Variants in MAP4 observed in about 807,000 individuals in gnomAD.
MAP4 encodes microtubule-associated protein 4.
In MAP4, 76 loss-of-function variants were observed where a neutral mutation model predicts 170.2. The ratio of observed to expected loss-of-function variants is 0.45; its 90% CI spans 0.37 to 0.54. The LOEUF (loss-of-function observed/expected upper bound fraction) is 0.54, where lower values mean the gene tolerates loss of function less well. Ranked by LOEUF, MAP4 falls within the 20% of genes least tolerant of loss-of-function variation. MAP4 has a pLI of 0.00. For synonymous variants in MAP4, 909 were observed against 994.5 expected (o/e 0.91, Z 1.62); for missense variants, 2,506 against 2,748.0 (o/e 0.91, Z 1.97).
intron 3 of MAP4, among the ~76,000 whole-genome samples, chr3:47,941,786 C>CAA (rs35079131): frequency 2.4e-4 from 15 of 61,566 alleles, no homozygotes; most frequent in Admixed American, 5.6e-4. Context: ...GACTCCGTCT[C>CAA]AAAAAAAAAA....
upstream of MAP4, among the ~76,000 whole-genome samples, chr3:48,017,842 T>G (rs745931466): frequency 8.5e-5 from 13 of 152,176 alleles, no homozygotes; most frequent in Non-Finnish European, 2.9e-5. Context: ...TATACTGTAG[T>G]TCAGTGGTCC....
chr3:47,920,489 C>A (rs545854362), intron 5 of MAP4, among the ~76,000 whole-genome samples: 2 of 151,974 alleles, frequency 1.3e-5, no homozygotes, highest in South Asian at 4.2e-4. Context: ...GTGATCCATC[C>A]GCCTTGGCCT....
chr3:47,916,236 T>C lies in MAP4; in HGVS notation c.1591A>G (p.Ile531Val), dbSNP rs202125937. Residue 531 changes from isoleucine to valine, a missense_variant, in exon 7 of 21, where the codon ATC becomes GTC. Transcript: ENST00000683076. ...TPPPETEVVL[I>V]KNVCLPPEME... ...TCTGGAGGCAGACATACGTTCTTGA[T>C]GAGAACTACTTCTGTTTCTGGAGGT... is the stretch of plus-strand genomic sequence containing the variant. The C allele has an allele frequency of 4.6e-5, 74 of 1,612,800 alleles. 1 individual carries two copies. The highest frequency in any genetic ancestry group is 1.7e-4 in the Middle Eastern group (1 of 6,058).
upstream of MAP4, among the ~76,000 whole-genome samples, chr3:48,017,938 C>T (rs912981704): frequency 4.6e-5 from 7 of 152,112 alleles, no homozygotes; most frequent in African/African-American, 4.8e-5. Context: ...GAGATGGTTT[C>T]GGGATGAAAC....
At chr3:48,006,594 G>T (rs560633565) in intron 1 of MAP4, among the ~76,000 whole-genome samples, 3 of 152,154 alleles carry the variant, frequency 2.0e-5, no homozygotes, top group Non-Finnish European at 4.4e-5. Flanking sequence ...GGGCTATCAT[G>T]GTGGGAAAGG....
intron 17 of MAP4, among the ~76,000 whole-genome samples, chr3:47,864,963 A>G (rs2076885754): frequency 6.6e-6 from 1 of 152,096 alleles, no homozygotes; most frequent in Admixed American, 6.5e-5. Flanking sequence ...ACTGACAGAG[A>G]TTATGGAAGG....
chr3:47,933,772 T>C (rs2100051253), intron 3 of MAP4, among the ~76,000 whole-genome samples: 1 of 152,056 alleles, frequency 6.6e-6, no homozygotes, highest in Non-Finnish European at 1.5e-5. Flanking sequence ...GGCTAATTTT[T>C]TGTATTTTTA....
chr3:47,869,951 C>G (rs1435672402), intron 15 of MAP4, among the ~76,000 whole-genome samples: 1 of 152,208 alleles, frequency 6.6e-6, no homozygotes. Flanking sequence ...CTTCTCTAGA[C>G]TGATCTCAGC....
At chr3:47,858,398 A>G (rs1289847972) in intron 17 of MAP4, among the ~76,000 whole-genome samples, 2 of 152,134 alleles carry the variant, frequency 1.3e-5, no homozygotes, top group Non-Finnish European at 2.9e-5. Context: ...GACCCTGTCC[A>G]TGCATGCTCC....
intron 1 of MAP4, among the ~76,000 whole-genome samples, chr3:48,084,744 TTTG>T (rs1463740141): frequency 3.3e-5 from 5 of 151,778 alleles, no homozygotes; most frequent in South Asian, 2.1e-4. Context: ...CCTAGCTAAG[TTTG>T]TTGTTGTTGT....
intron 10 of MAP4, among the ~76,000 whole-genome samples, chr3:47,898,687 C>T (rs1257757804): frequency 6.6e-6 from 1 of 152,140 alleles, no homozygotes; most frequent in Non-Finnish European, 1.5e-5. Context: ...TAGCCCACGC[C>T]TGTAACACCA....
At chr3:47,954,352 G>A (rs1048401683) in intron 3 of MAP4, among the ~76,000 whole-genome samples, 3 of 152,140 alleles carry the variant, frequency 2.0e-5, no homozygotes, top group African/African-American at 7.2e-5. Context: ...TATAAATACA[G>A]TAAAGTTGTA....
rs374871527 is a variant in MAP4, at chr3:48,029,217, C to T, written c.-19-30338G>A. On this transcript the variant is annotated intron_variant, in intron 1 of 18. Coordinates refer to the MAP4 transcript ENST00000360240. ...CTTTGTGAGGCCAAAGCGGGCAGAT[C>T]ACTTGAGGTCAGGAGTTCAAGACCA... Among the ~76,000 whole-genome samples, 80 of 152,064 alleles carry T rather than the reference C, an allele frequency of 5.3e-4. No homozygotes were observed. In the Middle Eastern group the frequency reaches 0.037, roughly 71 times the overall value.
chr3:47,910,774 C>T lies in MAP4; in HGVS notation c.3647G>A (p.Gly1216Asp). 6.5e-7 allele frequency: 1 copy of T among 1,536,092 alleles called. No homozygotes were observed. Among genetic ancestry groups the T allele is most frequent in the Non-Finnish European group, 8.7e-7 (1 of 1,146,894 alleles). Residue 1216 changes from glycine to aspartate, a missense_variant, in exon 9 of 21, where the codon GGC becomes GAC. By Grantham distance (94) the Gly-to-Asp change is moderately conservative. Transcript: ENST00000683076. Reference protein sequence around the residue: ...SEKPKKRGNEGKSKKFKNNYS... With the variant: ...SEKPKKRGNEDKSKKFKNNYS... ...ATTATTTTTAAACTTTTTGCTTTTGCCTTCATTGCCTCTCTTTTTAGGCTT... is the reference window on the plus strand; with the variant it reads ...ATTATTTTTAAACTTTTTGCTTTTGTCTTCATTGCCTCTCTTTTTAGGCTT...
intron 1 of MAP4, among the ~76,000 whole-genome samples, chr3:48,031,947 A>G (rs1375503299): frequency 2.6e-5 from 4 of 152,232 alleles, no homozygotes; most frequent in East Asian, 1.9e-4. Flanking sequence ...GATAGTATGC[A>G]CCCTTGATAT....
rs183299930 is a variant in MAP4, at chr3:47,872,796, C to G, written c.5758-696G>C. On this transcript the variant is annotated intron_variant, in intron 12 of 20. Transcript: ENST00000683076. ...TTTAATGTAACCTCTGTAGAAATGC[C>G]AAAAATACTAATGTATTTAATGTAA... Among the ~76,000 whole-genome samples the G allele has an allele frequency of 2.5e-3, 376 of 152,144 alleles. 1 individual carries two copies. The highest frequency in any genetic ancestry group is 8.6e-3 in the African/African-American group (357 of 41,500).
chr3:48,070,137 T>A (rs1397336669), intron 1 of MAP4, among the ~76,000 whole-genome samples: 2 of 151,692 alleles, frequency 1.3e-5, no homozygotes, highest in South Asian at 4.2e-4. Flanking sequence ...GGCTAGATAA[T>A]TTTTTTTAAC....
At chr3:48,035,755 C>G (rs966448438) in intron 1 of MAP4, among the ~76,000 whole-genome samples, 1 of 152,078 alleles carries the variant, frequency 6.6e-6, no homozygotes, top group East Asian at 1.9e-4. Flanking sequence ...GCCTGGCCAA[C>G]ATGATGAAAC....
intron 1 of MAP4, among the ~76,000 whole-genome samples, chr3:48,045,201 T>C (rs1404630554): frequency 7.1e-6 from 1 of 141,026 alleles, no homozygotes; most frequent in Admixed American, 7.8e-5. Flanking sequence ...GAGGTTGCAG[T>C]GAGCCGAGAT....
Sources: gnomAD v4.1 joint callset for allele counts (sites outside exome capture counted in the v4.1 genomes callset) on GRCh38, gnomAD v4.1.1 for gene constraint, MANE v1.5 for transcripts, NCBI Gene and HGNC (gene_info 2026-07-23, HGNC 2026-07-21) for gene names.